The following TLE4 variants were observed in gnomAD, a reference collection of about 807,000 sequenced individuals.
TLE4 encodes TLE family member 4, transcriptional corepressor, also known as transducin-like enhancer protein 4.
TLE4 carries 8 observed loss-of-function variants against 92.8 expected under a neutral mutation model. The observed-to-expected ratio is 0.09, with a 90% CI of 0.05 to 0.16. The LOEUF (loss-of-function observed/expected upper bound fraction) is 0.16, where lower values mean the gene tolerates loss of function less well. Among genes scored for constraint, TLE4 ranks in the 10% least tolerant of loss-of-function variants. TLE4 has a pLI of 1.00. For missense variants in TLE4, 675 were observed against 997.6 expected (o/e 0.68, Z 4.36); for synonymous variants, 371 against 374.1 (o/e 0.99, Z 0.10).
chr9:79,638,274 A>G (rs898087715), intron 6 of TLE4, among the ~76,000 whole-genome samples: 2 of 152,126 alleles, frequency 1.3e-5, no homozygotes, highest in African/African-American at 4.8e-5. Flanking sequence ...GGGGAGTTCT[A>G]TCTTTGAAAT....
intron 8 of TLE4, among the ~76,000 whole-genome samples, chr9:79,680,870 A>C (rs950855978): frequency 3.9e-5 from 6 of 152,208 alleles, no homozygotes; most frequent in South Asian, 2.1e-4. Context: ...CCTTTTCTGC[A>C]TCTATTGAGA....
chr9:79,612,540 GGAAATAT>G, intron 4 of TLE4, 109 bp from the exon 5 acceptor site: 3 of 966,566 alleles, frequency 3.1e-6, no homozygotes, highest in Non-Finnish European at 4.9e-6. Context: ...CTCTTCCTTA[GGAAATAT>G]GCCAGCCAAA....
At chr9:79,675,701 T>G (rs2135053304) in intron 8 of TLE4, among the ~76,000 whole-genome samples, 1 of 152,280 alleles carries the variant, frequency 6.6e-6, no homozygotes, top group African/African-American at 2.4e-5. Flanking sequence ...TCACTGCCAC[T>G]GTGGTTGGTC....
At chr9:79,607,270 T>C (rs536132868) in intron 4 of TLE4, among the ~76,000 whole-genome samples, 6 of 152,320 alleles carry the variant, frequency 3.9e-5, no homozygotes, top group African/African-American at 1.4e-4. Flanking sequence ...TTCTGGATAT[T>C]AGCCTTTTGT....
intron 4 of TLE4, among the ~76,000 whole-genome samples, chr9:79,611,489 C>T (rs1249637039): frequency 6.6e-6 from 1 of 151,966 alleles, no homozygotes; most frequent in Non-Finnish European, 1.5e-5. Context: ...AGAAGGAAGC[C>T]TAGATTGCAC....
intron 5 of TLE4, among the ~76,000 whole-genome samples, chr9:79,622,552 A>T (rs1302002462): frequency 6.6e-6 from 1 of 152,164 alleles, no homozygotes; most frequent in African/African-American, 2.4e-5. Flanking sequence ...ATTGGGTAGC[A>T]TCCTGTAATT....
At chr9:79,648,569 C>G (rs1433551545) in intron 6 of TLE4, among the ~76,000 whole-genome samples, 1 of 152,062 alleles carries the variant, frequency 6.6e-6, no homozygotes, top group African/African-American at 2.4e-5. Flanking sequence ...GGGAAAAAAA[C>G]CACAGGTGGA....
intron 6 of TLE4, among the ~76,000 whole-genome samples, chr9:79,640,638 T>A (rs2056943680): frequency 2.0e-5 from 3 of 152,042 alleles, no homozygotes; most frequent in Admixed American, 6.6e-5. Flanking sequence ...CATAACCAGG[T>A]CTTTCTAGTT....
At chr9:79,642,047 T>A (rs1305839273) in intron 6 of TLE4, among the ~76,000 whole-genome samples, 1 of 152,012 alleles carries the variant, frequency 6.6e-6, no homozygotes, top group Admixed American at 6.6e-5. Context: ...AATTTACACG[T>A]ATATTCTATG....
intron 5 of TLE4, among the ~76,000 whole-genome samples, chr9:79,619,839 G>A (rs1421028302): frequency 6.6e-6 from 1 of 152,184 alleles, no homozygotes; most frequent in African/African-American, 2.4e-5. Flanking sequence ...GTGGGCATGG[G>A]TAACTTTTCA....
intron 5 of TLE4, among the ~76,000 whole-genome samples, chr9:79,620,760 A>C (rs2050752570): frequency 6.6e-6 from 1 of 152,164 alleles, no homozygotes; most frequent in African/African-American, 2.4e-5. Flanking sequence ...TTATAAAGAA[A>C]AGGCTTTATT....
chr9:79,691,053 T>A (rs1272314702), intron 8 of TLE4, among the ~76,000 whole-genome samples: 6 of 152,180 alleles, frequency 3.9e-5, no homozygotes, highest in Non-Finnish European at 8.8e-5. Flanking sequence ...AACACACATT[T>A]GTGTGAAGTG....
chr9:79,721,226 A>G (rs186562373), intron 16 of TLE4, among the ~76,000 whole-genome samples: 1 of 152,128 alleles, frequency 6.6e-6, no homozygotes, highest in African/African-American at 2.4e-5. Context: ...CCAGTAGTTC[A>G]CACTGAGTGT....
chr9:79,594,837 G>T (rs1400628257), intron 4 of TLE4, among the ~76,000 whole-genome samples: 2 of 152,174 alleles, frequency 1.3e-5, no homozygotes, highest in African/African-American at 2.4e-5. Flanking sequence ...ATTCTCTGCA[G>T]AAAATTTATT....
At position 79,672,540 on chromosome 9, in the gene TLE4, A is replaced by T. The variant is rs1473927194; in HGVS notation, c.609+18465A>T. On this transcript the variant is annotated intron_variant, in intron 8 of 19. Transcript: ENST00000376552. The stretch of plus-strand genomic sequence containing the variant: ...TGAGACAGAGGACCTGGGAAACATG[A>T]GGCCATATTTGAGGCGGTTCATTCT... 2.6e-5 allele frequency among the ~76,000 whole-genome samples: 4 copies of T among 152,276 alleles called. No individual in the cohort carries two copies. The East Asian group carries it at 7.7e-4, about 29-fold the overall frequency.
intron 4 of TLE4, among the ~76,000 whole-genome samples, chr9:79,579,621 A>T (rs556436161): frequency 6.6e-6 from 1 of 152,050 alleles, no homozygotes; most frequent in South Asian, 2.1e-4. Flanking sequence ...AGTACTGCAC[A>T]TTTATGTATG....
chr9:79,663,514 G>C (rs541348135), intron 8 of TLE4: 1 of 152,382 alleles, frequency 6.6e-6, no homozygotes, highest in South Asian at 2.1e-4. Flanking sequence ...GACAGACTCT[G>C]ATGAGGCTTG....
chr9:79,703,301 C>T (rs2070492431), intron 8 of TLE4, among the ~76,000 whole-genome samples: 1 of 152,168 alleles, frequency 6.6e-6, no homozygotes, highest in Non-Finnish European at 1.5e-5. Flanking sequence ...TGCCCTGGTG[C>T]CCTGCCAAGG....
intron 6 of TLE4, chr9:79,649,901 G>GT (rs777434804): frequency 3.0e-6 from 4 of 1,334,594 alleles, no homozygotes; most frequent in Admixed American, 2.2e-5. Context: ...TGTTGTTGTT[G>GT]TTTTTTTGTT....
Sources: allele counts gnomAD v4.1 joint callset (sites outside exome capture counted in the v4.1 genomes callset), GRCh38; gene constraint gnomAD v4.1.1; transcripts MANE v1.5; gene names NCBI Gene and HGNC (gene_info 2026-07-23, HGNC 2026-07-21).